Variants in NCAM1 observed in about 807,000 individuals in gnomAD.
The protein encoded by NCAM1 is neural cell adhesion molecule 1, also known as antigen recognized by monoclonal antibody 5.1H11.
Under a neutral mutation model 109.8 loss-of-function variants are expected in NCAM1, and 14 were observed. That is an observed-to-expected ratio of 0.13 (90% CI 0.08 to 0.20). NCAM1 has a LOEUF of 0.20. Among genes scored for constraint, NCAM1 ranks in the 10% least tolerant of loss-of-function variants. The pLI is 1.00. For synonymous variants in NCAM1, 418 were observed against 442.9 expected, an observed-to-expected ratio of 0.94 and a Z score of 0.70; for missense variants, 774 against 1,109.9, an observed-to-expected ratio of 0.70 and a Z score of 4.30.
intron 1 of NCAM1, among the ~76,000 whole-genome samples, chr11:113,001,050 A>G (rs782794693): frequency 6.6e-6 from 1 of 152,070 alleles, no homozygotes; most frequent in Non-Finnish European, 1.5e-5. Context: ...TTCTCTGAAG[A>G]GTTCACCTAG....
intron 1 of NCAM1, among the ~76,000 whole-genome samples, chr11:112,974,537 A>G (rs1591203450): frequency 1.3e-5 from 2 of 152,072 alleles, no homozygotes; most frequent in African/African-American, 4.8e-5. Flanking sequence ...AAGAGAATCC[A>G]AAATTTTGCA....
At chr11:113,079,407 T>C (rs1938686041) in intron 1 of NCAM1, among the ~76,000 whole-genome samples, 1 of 152,156 alleles carries the variant, frequency 6.6e-6, no homozygotes. Context: ...TCTATACCCG[T>C]GTTTCTGTCC....
intron 14 of NCAM1, among the ~76,000 whole-genome samples, chr11:113,241,472 C>A (rs189222950): frequency 6.6e-6 from 1 of 152,088 alleles, no homozygotes; most frequent in African/African-American, 2.4e-5. Flanking sequence ...ACCCACGTCC[C>A]GCCACCCTAA....
chr11:113,127,195 A>T (rs782267297), intron 1 of NCAM1, among the ~76,000 whole-genome samples: 40 of 152,300 alleles, frequency 2.6e-4, no homozygotes, highest in Non-Finnish European at 4.9e-4. Context: ...CCAGGGCTCT[A>T]CCCCAGAATC....
intron 1 of NCAM1, among the ~76,000 whole-genome samples, chr11:113,176,807 T>C (rs1256019836): frequency 6.6e-6 from 1 of 152,088 alleles, no homozygotes; most frequent in African/African-American, 2.4e-5. Context: ...TAAAGGCAAA[T>C]ACAAGAAATG....
At chr11:113,186,642 T>TGG (rs1411928419) in intron 1 of NCAM1, among the ~76,000 whole-genome samples, 1 of 152,178 alleles carries the variant, frequency 6.6e-6, no homozygotes, top group African/African-American at 2.4e-5. Flanking sequence ...ATCGGCACTC[T>TGG]GGGGGCCTGG....
At chr11:112,997,016 T>C (rs576085871) in intron 1 of NCAM1, among the ~76,000 whole-genome samples, 2 of 152,206 alleles carry the variant, frequency 1.3e-5, no homozygotes, top group Non-Finnish European at 2.9e-5. Context: ...GAGCAGTGCC[T>C]CCCAACAACA....
intron 1 of NCAM1, among the ~76,000 whole-genome samples, chr11:113,073,130 T>G (rs1938364397): frequency 6.6e-6 from 1 of 152,240 alleles, no homozygotes; most frequent in Non-Finnish European, 1.5e-5. Context: ...GACTGATTTA[T>G]TTCACTTAGC....
chr11:113,082,750 C>T (rs116505831), intron 1 of NCAM1, among the ~76,000 whole-genome samples: 2,029 of 152,234 alleles, frequency 0.013, 41 homozygotes, highest in African/African-American at 0.046. Context: ...AGACCTGGCT[C>T]GGCAAGGTTA....
intron 8 of NCAM1, among the ~76,000 whole-genome samples, chr11:113,220,161 G>C (rs188208950): frequency 1.2e-3 from 177 of 152,288 alleles, no homozygotes; most frequent in Non-Finnish European, 2.0e-3. Context: ...CAGATAAACT[G>C]TAAGGAGAAT....
intron 1 of NCAM1, among the ~76,000 whole-genome samples, chr11:113,183,835 G>T (rs1184644051): frequency 7.3e-6 from 1 of 137,124 alleles, no homozygotes; most frequent in East Asian, 2.2e-4. Context: ...AGTGAGCTGG[G>T]GTATGACACT....
intron 8 of NCAM1, among the ~76,000 whole-genome samples, chr11:113,216,146 AT>A (rs34687568): frequency 0.26 from 26,137 of 100,562 alleles, 1,472 homozygotes; most frequent in Middle Eastern, 0.37. Flanking sequence ...CTATGATTTC[AT>A]TTTTTTTTTT....
rs1945435398 is a variant in NCAM1 at position 113,244,386 on chromosome 11, A to C, written c.1826-1982A>C. ...TAGTTGTGACATCCAAAGGGAAGAAAGTTTGAGTCATTTTATTTTGAACCA... is the reference window on the plus strand; with the variant it reads ...TAGTTGTGACATCCAAAGGGAAGAACGTTTGAGTCATTTTATTTTGAACCA... On this transcript the variant is annotated intron_variant, in intron 14 of 19. Coordinates refer to ENST00000316851, the MANE Select transcript of NCAM1 (RefSeq NM_181351.5). Among the ~76,000 whole-genome samples, 3 of 152,336 alleles carry C rather than the reference A, an allele frequency of 2.0e-5. No homozygotes were observed. In the South Asian group the frequency reaches 6.2e-4, roughly 32 times the overall value.
intron 9 of NCAM1, among the ~76,000 whole-genome samples, chr11:113,228,496 G>A (rs1399547488): frequency 6.6e-6 from 1 of 152,050 alleles, no homozygotes; most frequent in African/African-American, 2.4e-5. Context: ...AGTGAAAATG[G>A]CCATACTGCC....
At chr11:112,975,472 GC>G (rs1555067512) in intron 1 of NCAM1, among the ~76,000 whole-genome samples, 1 of 151,980 alleles carries the variant, frequency 6.6e-6, no homozygotes, top group African/African-American at 2.4e-5. Flanking sequence ...TAATATTTAT[GC>G]CTGTGGAATG....
chr11:113,112,958 C>A (rs1297307146), intron 1 of NCAM1, among the ~76,000 whole-genome samples: 1 of 151,944 alleles, frequency 6.6e-6, no homozygotes, highest in African/African-American at 2.4e-5. Context: ...ATGGTGAAAC[C>A]CCGTCTCTAC....
At chr11:113,165,599 T>C (rs1942763654) in intron 1 of NCAM1, among the ~76,000 whole-genome samples, 1 of 152,132 alleles carries the variant, frequency 6.6e-6, no homozygotes, top group African/African-American at 2.4e-5. Flanking sequence ...CCACCCCCGA[T>C]GGGACCATTA....
intron 1 of NCAM1, among the ~76,000 whole-genome samples, chr11:113,050,970 T>C (rs1953465181): frequency 6.6e-6 from 1 of 152,248 alleles, no homozygotes; most frequent in Non-Finnish European, 1.5e-5. Context: ...TTGGTTCTTC[T>C]TTATTCTATC....
chr11:113,205,665 T>C lies in NCAM1; in HGVS notation c.489T>C (p.Asp163=), dbSNP rs1944214622. Residue 163 remains aspartate, a splice_region_variant and synonymous_variant, in exon 4 of 20, where the codon GAT becomes GAC. Coordinates refer to ENST00000316851, the MANE Select transcript of NCAM1 (RefSeq NM_181351.5). ...GCCGAGATGTCATCCTGAAAAAAGA[T>C]GGTGAGACCTGAATTTCCTGGCATC... The part of the protein sequence containing the change: ...HKGRDVILKK[D]VRFIVLSNNY... The C allele has an allele frequency of 6.2e-7, 1 of 1,612,066 alleles. No individual in the cohort carries two copies. The highest frequency in any genetic ancestry group is 8.5e-7 in the Non-Finnish European group (1 of 1,179,316).
Sources: allele counts gnomAD v4.1 joint callset (sites outside exome capture counted in the v4.1 genomes callset), GRCh38; gene constraint gnomAD v4.1.1; transcripts MANE v1.5; gene names NCBI Gene and HGNC (gene_info 2026-07-23, HGNC 2026-07-21).